CLASP2: variants seen among roughly 807,000 people sequenced by gnomAD.
The protein encoded by CLASP2 is CLIP-associating protein 2.
In CLASP2, 47 loss-of-function variants were observed where a neutral mutation model predicts 194.4. The ratio of observed to expected loss-of-function variants is 0.24; its 90% CI spans 0.19 to 0.31. The LOEUF (loss-of-function observed/expected upper bound fraction) is 0.31. CLASP2 is among the 10% of genes least tolerant of loss of function. CLASP2 has a pLI of 1.00. For missense variants in CLASP2, 1,445 were observed against 1,823.6 expected, an observed-to-expected ratio of 0.79 and a Z score of 3.78; for synonymous variants, 619 against 633.5, an observed-to-expected ratio of 0.98 and a Z score of 0.34.
At chr3:33,617,933 T>TTATA (rs1206814946) in intron 12 of CLASP2, among the ~76,000 whole-genome samples, 19 of 142,894 alleles carry the variant, frequency 1.3e-4, no homozygotes, top group African/African-American at 3.4e-4. Context: ...ATTATTATTA[T>TTATA]TATATATATA....
chr3:33,654,424 T>C (rs913579563), intron 7 of CLASP2, among the ~76,000 whole-genome samples: 1 of 152,120 alleles, frequency 6.6e-6, no homozygotes, highest in African/African-American at 2.4e-5. Flanking sequence ...AAGTCAAGGA[T>C]ATCTCCCAGA....
In CLASP2 at chr3:33,604,101, C is replaced by T. The variant is rs144955439; in HGVS notation, c.1750+53G>A. The T allele has an allele frequency of 1.4e-5, 18 of 1,320,308 alleles. No individual in the cohort carries two copies. In the East Asian group the frequency reaches 4.5e-4, roughly 33 times the overall value. The allele number at this position is 1,320,308 out of a possible 1,614,324, so 81.8% of individuals were successfully genotyped here. A position where few individuals can be genotyped will look rare whatever the true frequency, so the allele number is the denominator to read the frequency against. ...GGAGCACATCAAAAGAGTTTGAAGGCTACTGTTTCAAAGATAAAATAGGTT... is the reference window on the plus strand; with the variant it reads ...GGAGCACATCAAAAGAGTTTGAAGGTTACTGTTTCAAAGATAAAATAGGTT... On this transcript the variant is annotated intron_variant, in intron 17 of 38. Coordinates refer to ENST00000682230, the MANE Select transcript of CLASP2 (RefSeq NM_001365631.1).
At chr3:33,562,590 A>G (rs1436996112) in intron 27 of CLASP2, among the ~76,000 whole-genome samples, 2 of 152,142 alleles carry the variant, frequency 1.3e-5, no homozygotes, top group African/African-American at 4.8e-5. Flanking sequence ...GAAATGGGCA[A>G]ACACTACATA....
At chr3:33,559,583 C>T (rs1214176987) in intron 28 of CLASP2, among the ~76,000 whole-genome samples, 198 bp from the exon 29 acceptor site, 1 of 152,138 alleles carries the variant, frequency 6.6e-6, no homozygotes, top group Non-Finnish European at 1.5e-5. Context: ...TGAATTTGTA[C>T]TCAGTACAGG....
At chr3:33,666,142 T>A (rs902202388) in intron 6 of CLASP2, among the ~76,000 whole-genome samples, 8 of 152,170 alleles carry the variant, frequency 5.3e-5, no homozygotes, top group Non-Finnish European at 1.2e-4. Flanking sequence ...ATCCCAAGTA[T>A]AACATGAAAG....
In CLASP2 at chr3:33,659,353, G is replaced by A. The variant is rs923989891; in HGVS notation, c.715+4092C>T. 5.5e-6 allele frequency: 6 copies of A among 1,087,526 alleles called. No individual in the cohort carries two copies. The African/African-American group carries it at 9.8e-5, about 18-fold the overall frequency. 67.4% of individuals were successfully genotyped at this position (1,087,526 alleles called of 1,614,324 possible). ...AGCCAATAAATGCCATCCCGCTGGG[G>A]GACTTTTAATGCAATCATCAAAACA... On this transcript the variant is annotated intron_variant, in intron 7 of 38. Transcript: ENST00000682230.
chr3:33,517,811 T>C (rs977510479), intron 34 of CLASP2, among the ~76,000 whole-genome samples: 2 of 152,104 alleles, frequency 1.3e-5, no homozygotes, highest in Admixed American at 1.3e-4. Flanking sequence ...TACAGGTGTG[T>C]ACCTACACAC....
rs2045931207 is a variant in CLASP2 at position 33,497,395 on chromosome 3, C to G, written c.*1236G>C. ...TATCTAATTTAGCCTTTCACCAAAA[C>G]TGGTAATTTTTGAGTCGGCTGCACA... On this transcript the variant is annotated 3_prime_UTR_variant, in exon 39 of 39. Transcript: ENST00000682230. 1 of 152,482 alleles carries G rather than the reference C, an allele frequency of 6.6e-6. No homozygotes were observed. The highest frequency in any genetic ancestry group is 2.1e-4 in the South Asian group (1 of 4,824). The allele number at this position is 152,482 out of a possible 1,614,324, so 9.4% of individuals were successfully genotyped here. A position where few individuals can be genotyped will look rare whatever the true frequency, so the allele number is the denominator to read the frequency against.
At chr3:33,663,592 T>C in intron 6 of CLASP2, 77 bp from the exon 7 acceptor site, 1 of 1,015,200 alleles carries the variant, frequency 9.9e-7, no homozygotes, top group Middle Eastern at 2.2e-4. Context: ...TCCTTCACCA[T>C]TCCCTTAGAA....
chr3:33,716,749 C>G (rs1192908691), intron 1 of CLASP2, among the ~76,000 whole-genome samples: 1 of 152,208 alleles, frequency 6.6e-6, no homozygotes, highest in Non-Finnish European at 1.5e-5. Context: ...GGGTAACTCT[C>G]AAACTTTATT....
intron 2 of CLASP2, 57 bp from the exon 3 acceptor site, chr3:33,689,989 CTA>C: frequency 8.7e-7 from 1 of 1,146,152 alleles, no homozygotes; most frequent in Non-Finnish European, 1.2e-6. Context: ...CCATTAAAAA[CTA>C]TATTTTTCAA....
At chr3:33,675,011 A>G (rs2088231750) in intron 6 of CLASP2, among the ~76,000 whole-genome samples, 1 of 152,288 alleles carries the variant, frequency 6.6e-6, no homozygotes, top group East Asian at 1.9e-4. Context: ...CAGAGGTACA[A>G]GGAGGAGCTG....
intron 7 of CLASP2, among the ~76,000 whole-genome samples, chr3:33,654,889 T>C (rs560763188): frequency 3.3e-5 from 5 of 152,314 alleles, no homozygotes; most frequent in South Asian, 2.1e-4. Flanking sequence ...TCTAGGTAGA[T>C]ATAACTGACT....
intron 8 of CLASP2, chr3:33,644,268 T>G (rs2081899008): frequency 6.5e-6 from 1 of 154,570 alleles, no homozygotes; most frequent in South Asian, 2.0e-4. Context: ...TGAGGCAATT[T>G]TACTTGACCA....
At chr3:33,569,220 T>C (rs186141861) in intron 26 of CLASP2, among the ~76,000 whole-genome samples, 187 of 152,324 alleles carry the variant, frequency 1.2e-3, no homozygotes, top group African/African-American at 4.2e-3. Context: ...CCTATACCAG[T>C]GTTAAACTCA....
intron 27 of CLASP2, among the ~76,000 whole-genome samples, chr3:33,564,960 A>G (rs1404742579): frequency 6.6e-6 from 1 of 152,090 alleles, no homozygotes; most frequent in Non-Finnish European, 1.5e-5. Context: ...GCACACACAC[A>G]CACAGCTGAC....
intron 34 of CLASP2, among the ~76,000 whole-genome samples, chr3:33,534,720 C>G (rs772588140): frequency 2.0e-5 from 3 of 152,190 alleles, no homozygotes; most frequent in Non-Finnish European, 4.4e-5. Flanking sequence ...AGTTAACCAT[C>G]TTGCCAGGCT....
chr3:33,611,496 T>C (rs2075170620), intron 13 of CLASP2, among the ~76,000 whole-genome samples: 1 of 152,188 alleles, frequency 6.6e-6, no homozygotes, highest in South Asian at 2.1e-4. Flanking sequence ...TTAAGAATTG[T>C]AGAAACCAGA....
Position 33,596,749 on chromosome 3 carries a change from C to G in CLASP2, c.1925-15G>C, listed in dbSNP as rs1255813568. On this transcript the variant is annotated splice_polypyrimidine_tract_variant and intron_variant, in intron 18 of 38. Transcript: ENST00000682230. ...AGAAGTATCCTCTTTGATGAAAGCA[C>G]AAGCAAAGAACAGAGGAAAACTTAG... is the stretch of plus-strand genomic sequence containing the variant. 1.3e-6 allele frequency: 2 copies of G among 1,556,134 alleles called. No homozygotes were observed. The highest frequency in any genetic ancestry group is 1.7e-6 in the Non-Finnish European group (2 of 1,147,150).
Sources: gnomAD v4.1 joint callset for allele counts (sites outside exome capture counted in the v4.1 genomes callset) on GRCh38, gnomAD v4.1.1 for gene constraint, MANE v1.5 for transcripts, NCBI Gene and HGNC (gene_info 2026-07-23, HGNC 2026-07-21) for gene names.